The following CLEC16A variants were observed in gnomAD, a reference collection of about 807,000 sequenced individuals.
CLEC16A encodes C-type lectin domain containing 16A, also known as protein CLEC16A.
Under a neutral mutation model 109.5 loss-of-function variants are expected in CLEC16A, and 51 were observed. That is an observed-to-expected ratio of 0.47 (90% CI 0.37 to 0.59). CLEC16A has a LOEUF of 0.59. Among genes scored for constraint, CLEC16A ranks in the 20% least tolerant of loss-of-function variants. The probability of loss-of-function intolerance (pLI) is 0.00; values close to 1 mark genes in which losing one functional copy is unlikely to be tolerated. For synonymous variants in CLEC16A, 673 were observed against 564.2 expected, an observed-to-expected ratio of 1.19 and a Z score of -2.73; for missense variants, 1,339 against 1,394.0, an observed-to-expected ratio of 0.96 and a Z score of 0.63.
In CLEC16A at chr16:11,020,243, A is replaced by G; in HGVS notation, c.1354A>G (p.Ser452Gly). 1 of 1,613,826 alleles carries G rather than the reference A, an allele frequency of 6.2e-7. No homozygotes were observed. Among genetic ancestry groups the G allele is most frequent in the Non-Finnish European group, 8.5e-7 (1 of 1,179,804 alleles). Reference protein sequence around the residue: ...ERSKLSELAASTSVQEQNTTD... With the variant: ...ERSKLSELAAGTSVQEQNTTD... ...TAGCAAGCTCTCAGAGCTGGCCGCC[A>G]GCACCTCCGTGCAGGAGCAGAACAC... is the stretch of plus-strand genomic sequence containing the variant. Residue 452 changes from serine (S) to glycine (G), a missense_variant, in exon 12 of 24, where the codon AGC becomes GGC. Coordinates refer to ENST00000409790, the MANE Select transcript of CLEC16A (RefSeq NM_015226.3).
chr16:10,987,143 A>G (rs886962222), intron 10 of CLEC16A, among the ~76,000 whole-genome samples: 1 of 152,008 alleles, frequency 6.6e-6, no homozygotes, highest in African/African-American at 2.4e-5. Context: ...GGTGTGAGCC[A>G]CTGCACCCAG....
intron 22 of CLEC16A, 41 bp from the exon 23 acceptor site, chr16:11,166,347 C>G (rs757948310): frequency 6.4e-7 from 1 of 1,562,316 alleles, no homozygotes; most frequent in Non-Finnish European, 8.7e-7. Context: ...CTCAGGCCTA[C>G]TCTTTGCTTC....
At chr16:11,054,958 T>A (rs542700647) in intron 18 of CLEC16A, among the ~76,000 whole-genome samples, 37 of 148,676 alleles carry the variant, frequency 2.5e-4, no homozygotes, top group African/African-American at 9.0e-4. Context: ...TTCCACCAAG[T>A]AGACTTTTTA....
chr16:11,011,743 T>C (rs1567192903), intron 11 of CLEC16A, among the ~76,000 whole-genome samples: 1 of 152,194 alleles, frequency 6.6e-6, no homozygotes, highest in Non-Finnish European at 1.5e-5. Flanking sequence ...TGTGCCTACA[T>C]ATACATACAT....
At chr16:11,153,319 G>C (rs2054369158) in intron 22 of CLEC16A, among the ~76,000 whole-genome samples, 1 of 151,992 alleles carries the variant, frequency 6.6e-6, no homozygotes, top group East Asian at 1.9e-4. Context: ...CTCGTTTTCT[G>C]TTGCCTTTCT....
At chr16:11,147,929 C>T (rs1252635252) in intron 22 of CLEC16A, among the ~76,000 whole-genome samples, 1 of 152,232 alleles carries the variant, frequency 6.6e-6, no homozygotes, top group African/African-American at 2.4e-5. Flanking sequence ...TCACCTGGCA[C>T]CCTTTCTCTT....
chr16:11,029,575 G>C (rs1264075942), intron 13 of CLEC16A, among the ~76,000 whole-genome samples: 1 of 152,100 alleles, frequency 6.6e-6, no homozygotes, highest in Admixed American at 6.6e-5. Context: ...CTGCCTTTGT[G>C]CTTCTCCCTC....
At position 10,962,440 on chromosome 16, in the gene CLEC16A, C is replaced by G. The variant is rs772786476; in HGVS notation, c.210-15C>G. On this transcript the variant is annotated splice_polypyrimidine_tract_variant and intron_variant, in intron 2 of 23. Coordinates refer to ENST00000409790, the MANE Select transcript of CLEC16A (RefSeq NM_015226.3). ...GTGGAAGCAAGCCACTGATGCTTTT[C>G]CATTCTCTCCCCAGCTTCTTCCTGG... is the stretch of plus-strand genomic sequence containing the variant. 8 of 1,613,632 alleles carry G rather than the reference C, an allele frequency of 5.0e-6. No homozygotes were observed. The highest frequency in any genetic ancestry group is 5.9e-6 in the Non-Finnish European group (7 of 1,179,768).
intron 13 of CLEC16A, among the ~76,000 whole-genome samples, chr16:11,025,805 A>G (rs548653801): frequency 8.5e-5 from 13 of 152,332 alleles, no homozygotes; most frequent in African/African-American, 2.4e-4. Flanking sequence ...TAGTGGCAGA[A>G]GGGTATATAG....
At chr16:11,049,955 C>G (rs1462364820) in intron 17 of CLEC16A, among the ~76,000 whole-genome samples, 1 of 152,240 alleles carries the variant, frequency 6.6e-6, no homozygotes, top group African/African-American at 2.4e-5. Context: ...GCAGCATGCA[C>G]CAAGTGGCTC....
At chr16:11,164,666 G>A (rs1180172711) in intron 22 of CLEC16A, among the ~76,000 whole-genome samples, 1 of 152,244 alleles carries the variant, frequency 6.6e-6, no homozygotes, top group Non-Finnish European at 1.5e-5. Flanking sequence ...CAGGCCATGT[G>A]GTCGCTATGG....
At chr16:10,958,316 G>A (rs1332111636) in intron 2 of CLEC16A, among the ~76,000 whole-genome samples, 1 of 152,198 alleles carries the variant, frequency 6.6e-6, no homozygotes, top group Non-Finnish European at 1.5e-5. Context: ...CTCCTGATGA[G>A]ATGGTCCACC....
intron 22 of CLEC16A, among the ~76,000 whole-genome samples, chr16:11,129,292 A>C (rs1226115892): frequency 6.6e-6 from 1 of 152,262 alleles, no homozygotes; most frequent in Non-Finnish European, 1.5e-5. Context: ...GAATAAACCC[A>C]TTGCATATAT....
intron 12 of CLEC16A, among the ~76,000 whole-genome samples, chr16:11,022,253 C>T (rs1239797791): frequency 6.6e-5 from 10 of 151,414 alleles, no homozygotes; most frequent in Non-Finnish European, 1.5e-4. Context: ...TATCGAGTTG[C>T]AGCTTGTAAG....
intron 19 of CLEC16A, among the ~76,000 whole-genome samples, chr16:11,080,534 C>A (rs185272651): frequency 2.0e-5 from 3 of 152,218 alleles, no homozygotes; most frequent in Non-Finnish European, 4.4e-5. Flanking sequence ...GCGGTCCATT[C>A]GTTTCATATG....
chr16:10,972,987 T>A lies in CLEC16A; in HGVS notation c.654T>A (p.Pro218=). 4 of 1,612,516 alleles carry A rather than the reference T, an allele frequency of 2.5e-6. No individual in the cohort carries two copies. Among genetic ancestry groups the A allele is most frequent in the Non-Finnish European group, 3.4e-6 (4 of 1,179,404 alleles). ...LHYIRDKTAV[P]YFSNLVWFIG... is the part of the protein sequence containing the mutation. ...ACATCCGAGATAAAACTGCTGTTCC[T>A]TACTTCTCCAATTTGGTCTGGTTCA... The change falls in exon 7 of 24, where the codon CCT becomes CCA. Residue 218 remains proline, a synonymous_variant. Coordinates refer to ENST00000409790, the MANE Select transcript of CLEC16A (RefSeq NM_015226.3).
intron 1 of CLEC16A, among the ~76,000 whole-genome samples, chr16:10,945,154 C>T (rs2041287675): frequency 6.6e-6 from 1 of 152,142 alleles, no homozygotes; most frequent in Non-Finnish European, 1.5e-5. Flanking sequence ...GGGTCAAAGG[C>T]CTGGGTCCTG....
chr16:11,047,142 A>T, intron 16 of CLEC16A, 150 bp from the exon 17 acceptor site: 1 of 475,548 alleles, frequency 2.1e-6, no homozygotes, highest in Non-Finnish European at 3.7e-6. Context: ...GTTTGTGTTC[A>T]CGTGTGCATT....
At chr16:11,056,419 A>G (rs551415458) in intron 18 of CLEC16A, 3 of 152,356 alleles carry the variant, frequency 2.0e-5, no homozygotes, top group African/African-American at 7.2e-5. Context: ...GTAAGGTGGG[A>G]AAGAAATAGG....
Sources: gnomAD v4.1 joint callset for allele counts (sites outside exome capture counted in the v4.1 genomes callset) on GRCh38, gnomAD v4.1.1 for gene constraint, MANE v1.5 for transcripts, NCBI Gene and HGNC (gene_info 2026-07-23, HGNC 2026-07-21) for gene names.